The following BPIFC variants were observed in gnomAD, a reference collection of about 807,000 sequenced individuals.
The protein encoded by BPIFC is BPI fold-containing family C protein.
BPIFC carries 60 observed loss-of-function variants against 57.6 expected under a neutral mutation model. The ratio of observed to expected loss-of-function variants is 1.04; its 90% confidence interval spans 0.85 to 1.29. The LOEUF is 1.29. Ranked by LOEUF, BPIFC falls within the 50% of genes most tolerant of loss-of-function variation. BPIFC has a pLI of 0.00. For missense variants in BPIFC, 581 were observed against 600.5 expected (o/e 0.97, Z 0.34); for synonymous variants, 243 against 224.5 (o/e 1.08, Z -0.74).
chr22:32,429,515 T>TTTTG (rs1934173529), intron 13 of BPIFC, among the ~76,000 whole-genome samples: 1 of 119,484 alleles, frequency 8.4e-6, no homozygotes, highest in South Asian at 2.8e-4. Context: ...CTTTGTTTTT[T>TTTTG]TTTTTTTTTT....
chr22:32,428,029 T>C (rs1331432058), intron 13 of BPIFC, among the ~76,000 whole-genome samples: 2 of 151,464 alleles, frequency 1.3e-5, no homozygotes, highest in Non-Finnish European at 3.0e-5. Context: ...AACTGCCAGA[T>C]AAAGATCACT....
chr22:32,447,831 A>G (rs1025567787), intron 4 of BPIFC, among the ~76,000 whole-genome samples: 3 of 150,568 alleles, frequency 2.0e-5, no homozygotes, highest in Non-Finnish European at 4.4e-5. Context: ...CTGGTCTTGA[A>G]CTCCTGGCCT....
At chr22:32,449,004 G>A (rs983166445) in intron 4 of BPIFC, among the ~76,000 whole-genome samples, 10 of 152,074 alleles carry the variant, frequency 6.6e-5, no homozygotes, top group African/African-American at 9.7e-5. Flanking sequence ...ATTGTGGTAA[G>A]TGCATTACAC....
At chr22:32,447,887 G>A (rs1475590607) in intron 4 of BPIFC, among the ~76,000 whole-genome samples, 6 of 151,872 alleles carry the variant, frequency 4.0e-5, no homozygotes, top group Admixed American at 3.9e-4. Flanking sequence ...GGGATTACAG[G>A]CATGAGACAC....
intron 13 of BPIFC, among the ~76,000 whole-genome samples, chr22:32,424,714 T>C (rs1235942346): frequency 9.6e-5 from 9 of 93,758 alleles, no homozygotes; most frequent in African/African-American, 4.2e-4. Context: ...CCTCTTCTTC[T>C]TCCTCTTCTT....
At chr22:32,448,805 G>C (rs1253457387) in intron 4 of BPIFC, among the ~76,000 whole-genome samples, 1 of 152,038 alleles carries the variant, frequency 6.6e-6, no homozygotes, top group Non-Finnish European at 1.5e-5. Context: ...GGGTGTGGTG[G>C]CATGTGCCTG....
At chr22:32,416,046 A>G (rs1243221691) in intron 15 of BPIFC, 55 bp from the exon 16 acceptor site, 2 of 1,230,904 alleles carry the variant, frequency 1.6e-6, no homozygotes, top group Non-Finnish European at 2.3e-6. Context: ...AGGTTTTAGC[A>G]AGCTTTTTAG....
chr22:32,432,582 G>A (rs372381475), intron 11 of BPIFC, 39 bp from the exon 12 acceptor site: 1,531 of 1,597,090 alleles, frequency 9.6e-4, no homozygotes, highest in Non-Finnish European at 1.2e-3. Context: ...ATTGTGAGGC[G>A]TGAGTTGGTG....
At position 32,461,563 on chromosome 22, in the gene BPIFC, G is replaced by C; in HGVS notation, c.-1+11C>G. The C allele has an allele frequency of 2.0e-6, 2 of 984,698 alleles. No homozygotes were observed. Among genetic ancestry groups the C allele is most frequent in the East Asian group, 1.1e-4 (1 of 8,806 alleles). The allele number at this position is 984,698 out of a possible 1,614,324, so 61.0% of individuals were successfully genotyped here. A position where few individuals can be genotyped will look rare whatever the true frequency, so the allele number is the denominator to read the frequency against. ...TAACAGCATCTTAACACTCTGAATGGATGCATGTACCTCCTGCAGGAGCTA... is the reference window on the plus strand; with the variant it reads ...TAACAGCATCTTAACACTCTGAATGCATGCATGTACCTCCTGCAGGAGCTA... On this transcript the variant is annotated intron_variant, in intron 2 of 16. Coordinates refer to ENST00000300399, the MANE Select transcript of BPIFC (RefSeq NM_174932.3).
intron 14 of BPIFC, 117 bp downstream of exon 14, chr22:32,419,245 C>T (rs945790051): frequency 9.0e-7 from 1 of 1,116,174 alleles, no homozygotes; most frequent in Non-Finnish European, 1.3e-6. Context: ...TTAAGTCCTA[C>T]AATTATGGAG....
intron 3 of BPIFC, among the ~76,000 whole-genome samples, chr22:32,456,030 G>A (rs1379218179): frequency 6.6e-6 from 1 of 151,910 alleles, no homozygotes; most frequent in Non-Finnish European, 1.5e-5. Flanking sequence ...AAATCCACTG[G>A]CCCAAGGCCA....
chr22:32,428,977 C>G (rs1934152204), intron 13 of BPIFC, among the ~76,000 whole-genome samples: 1 of 152,096 alleles, frequency 6.6e-6, no homozygotes, highest in Non-Finnish European at 1.5e-5. Context: ...AAAGAACCCT[C>G]TCATAATCCC....
chr22:32,447,167 C>A, intron 5 of BPIFC, 45 bp downstream of exon 5: 2 of 1,445,942 alleles, frequency 1.4e-6, no homozygotes, highest in South Asian at 3.1e-5. Flanking sequence ...CGTTTTTGCT[C>A]ACATTCTCCC....
In BPIFC at chr22:32,415,954, G is replaced by C; in HGVS notation, c.1362C>G (p.His454Gln). The change falls in exon 16 of 17, where the codon CAC becomes CAG. Residue 454 changes from histidine to glutamine, a missense_variant. Physicochemically the swap from His to Gln is conservative, Grantham distance 24. Coordinates refer to ENST00000300399, the MANE Select transcript of BPIFC (RefSeq NM_174932.3). ...LQQGFPLSNP[H>Q]KFLFVNSDIE... ...TATCTGAATTGACGAATAAGAATTT[G>C]TGTGGATTGGACAGAGGAAATCCTT... 1 of 1,594,340 alleles carries C rather than the reference G, an allele frequency of 6.3e-7. No homozygotes were observed.
At chr22:32,452,660 A>C (rs1046685954) in intron 4 of BPIFC, among the ~76,000 whole-genome samples, 4 of 152,112 alleles carry the variant, frequency 2.6e-5, no homozygotes, top group Middle Eastern at 3.4e-3. Context: ...AACACAAAAA[A>C]CAAAAAACCT....
intron 1 of BPIFC, among the ~76,000 whole-genome samples, chr22:32,462,849 A>AT (rs1016118817): frequency 4.0e-4 from 61 of 152,072 alleles, no homozygotes; most frequent in Middle Eastern, 3.2e-3. Flanking sequence ...AAGTTACTCA[A>AT]TTTTTTTTAT....
intron 12 of BPIFC, 92 bp from the exon 13 acceptor site, chr22:32,431,506 A>T (rs1387504431): frequency 2.3e-6 from 2 of 853,296 alleles, no homozygotes; most frequent in African/African-American, 1.6e-5. Flanking sequence ...TTATAAGCCC[A>T]ACATTCCCCC....
At chr22:32,441,681 C>A (rs527407910) in intron 8 of BPIFC, among the ~76,000 whole-genome samples, 3 of 152,006 alleles carry the variant, frequency 2.0e-5, no homozygotes, top group Admixed American at 2.0e-4. Flanking sequence ...AGATAGAGAA[C>A]GGAAAGGATT....
intron 8 of BPIFC, among the ~76,000 whole-genome samples, chr22:32,439,266 G>A (rs5749438): frequency 4.6e-5 from 7 of 151,952 alleles, no homozygotes; most frequent in East Asian, 1.9e-4. Flanking sequence ...CGCAGGTTGC[G>A]GTGAGCCAAG....
Sources: allele counts gnomAD v4.1 joint callset (sites outside exome capture counted in the v4.1 genomes callset), GRCh38; gene constraint gnomAD v4.1.1; transcripts MANE v1.5; gene names NCBI Gene and HGNC (gene_info 2026-07-23, HGNC 2026-07-21).